Variants in ZDHHC14 observed in about 807,000 individuals in gnomAD.
The protein encoded by ZDHHC14 is palmitoyltransferase ZDHHC14.
Under a neutral mutation model 47.7 loss-of-function variants are expected in ZDHHC14, and 16 were observed. The ratio of observed to expected loss-of-function variants is 0.34; its 90% CI spans 0.23 to 0.51. The LOEUF (loss-of-function observed/expected upper bound fraction) is 0.51. Among genes scored for constraint, ZDHHC14 ranks in the 20% least tolerant of loss-of-function variants. ZDHHC14 has a pLI of 0.97. For synonymous variants in ZDHHC14, 293 were observed against 278.9 expected (o/e 1.05, Z -0.50); for missense variants, 515 against 662.5 (o/e 0.78, Z 2.44).
intron 3 of ZDHHC14, among the ~76,000 whole-genome samples, chr6:157,623,634 C>T (rs1304570832): frequency 6.6e-6 from 1 of 151,196 alleles, no homozygotes; most frequent in East Asian, 1.9e-4. Context: ...CTTGCACCCT[C>T]CACCTCCTGG....
intron 1 of ZDHHC14, among the ~76,000 whole-genome samples, chr6:157,450,701 T>G (rs957627537): frequency 3.3e-5 from 5 of 152,192 alleles, no homozygotes; most frequent in Non-Finnish European, 7.3e-5. Context: ...GCAAGCCTAT[T>G]GATGCATCTT....
chr6:157,603,029 C>T (rs1562502167), intron 3 of ZDHHC14, among the ~76,000 whole-genome samples: 1 of 152,212 alleles, frequency 6.6e-6, no homozygotes, highest in Non-Finnish European at 1.5e-5. Context: ...CACCCCAGAC[C>T]GTGGGGCCAT....
At chr6:157,610,364 G>A (rs981967349) in intron 3 of ZDHHC14, among the ~76,000 whole-genome samples, 6 of 152,062 alleles carry the variant, frequency 3.9e-5, no homozygotes, top group African/African-American at 9.7e-5. Flanking sequence ...CCCGGGAGGC[G>A]GAGCTTGCAG....
intron 2 of ZDHHC14, among the ~76,000 whole-genome samples, chr6:157,578,177 T>C (rs954784869): frequency 2.0e-5 from 3 of 152,196 alleles, no homozygotes; most frequent in Non-Finnish European, 4.4e-5. Context: ...TTCTTTTCAG[T>C]AAAACAACTC....
At chr6:157,462,408 A>G (rs1779111136) in intron 1 of ZDHHC14, among the ~76,000 whole-genome samples, 1 of 152,234 alleles carries the variant, frequency 6.6e-6, no homozygotes, top group Non-Finnish European at 1.5e-5. Context: ...ACCTCGAGCC[A>G]TAAGCCTGCA....
At chr6:157,389,310 T>C (rs1777376691) in intron 1 of ZDHHC14, among the ~76,000 whole-genome samples, 1 of 152,234 alleles carries the variant, frequency 6.6e-6, no homozygotes, top group Non-Finnish European at 1.5e-5. Flanking sequence ...TTGCGATTAA[T>C]AGTTTCCCCC....
At chr6:157,640,779 T>G (rs1777210517) in intron 5 of ZDHHC14, among the ~76,000 whole-genome samples, 1 of 152,218 alleles carries the variant, frequency 6.6e-6, no homozygotes, top group Non-Finnish European at 1.5e-5. Flanking sequence ...GTTTGCTTTT[T>G]CAAAGCACCC....
intron 2 of ZDHHC14, among the ~76,000 whole-genome samples, chr6:157,567,297 T>G (rs1048068342): frequency 6.6e-6 from 1 of 152,132 alleles, no homozygotes; most frequent in Non-Finnish European, 1.5e-5. Flanking sequence ...ATGCAATGAT[T>G]CCGGGAGCCC....
intron 1 of ZDHHC14, among the ~76,000 whole-genome samples, chr6:157,413,749 C>T (rs183610795): frequency 3.9e-5 from 6 of 152,198 alleles, no homozygotes; most frequent in African/African-American, 1.2e-4. Flanking sequence ...CTACCCACAG[C>T]AACTTCTTTT....
intron 1 of ZDHHC14, among the ~76,000 whole-genome samples, chr6:157,425,935 C>G (rs1328176248): frequency 6.6e-6 from 1 of 152,202 alleles, no homozygotes. Flanking sequence ...TGCCTAACCA[C>G]CTCCTACTAT....
intron 2 of ZDHHC14, among the ~76,000 whole-genome samples, chr6:157,565,108 G>A (rs1462120105): frequency 6.6e-6 from 1 of 152,054 alleles, no homozygotes; most frequent in Non-Finnish European, 1.5e-5. Flanking sequence ...TTAGCCAGGT[G>A]TGGTGGCATG....
At chr6:157,495,824 C>T (rs756555471) in intron 1 of ZDHHC14, among the ~76,000 whole-genome samples, 4 of 150,996 alleles carry the variant, frequency 2.6e-5, no homozygotes, top group Non-Finnish European at 5.9e-5. Context: ...CCCACCTAAC[C>T]CCACCGGGTA....
chr6:157,501,927 T>C (rs955642116), intron 1 of ZDHHC14, among the ~76,000 whole-genome samples: 1 of 152,220 alleles, frequency 6.6e-6, no homozygotes, highest in Admixed American at 6.5e-5. Context: ...TGTTTTAGTC[T>C]GGAAGGATTC....
chr6:157,602,876 G>T (rs1784389837), intron 3 of ZDHHC14, among the ~76,000 whole-genome samples: 2 of 152,200 alleles, frequency 1.3e-5, no homozygotes, highest in African/African-American at 2.4e-5. Flanking sequence ...CTGGAGTTTA[G>T]TCGTTTCTTT....
At position 157,657,034 on chromosome 6, in the gene ZDHHC14, T is replaced by G. The variant is rs1022047507; in HGVS notation, c.1068+3407T>G. 5.4e-5 allele frequency among the ~76,000 whole-genome samples: 8 copies of G among 148,494 alleles called. 1 individual carries two copies. Among genetic ancestry groups the G allele is most frequent in the African/African-American group, 2.0e-4 (8 of 40,132 alleles). On this transcript the variant is annotated intron_variant, in intron 8 of 8. Coordinates refer to ENST00000359775, the MANE Select transcript of ZDHHC14 (RefSeq NM_024630.3). ...TCCTGTAGCATCTTCTTGCCATCCG[T>G]ACACACAAAGGGTATTTGTATTTTT...
intron 2 of ZDHHC14, among the ~76,000 whole-genome samples, chr6:157,584,973 G>A (rs966111870): frequency 4.5e-4 from 68 of 152,280 alleles, no homozygotes; most frequent in African/African-American, 1.6e-3. Flanking sequence ...GGGAGGCCGA[G>A]GCGGGTGGAT....
intron 2 of ZDHHC14, among the ~76,000 whole-genome samples, chr6:157,565,852 C>A (rs1273971634): frequency 6.6e-6 from 1 of 151,788 alleles, no homozygotes; most frequent in Non-Finnish European, 1.5e-5. Flanking sequence ...GTCCAGAATC[C>A]TAGACCCAAA....
chr6:157,519,620 C>T (rs1780841360), intron 1 of ZDHHC14, among the ~76,000 whole-genome samples: 1 of 152,240 alleles, frequency 6.6e-6, no homozygotes, highest in African/African-American at 2.4e-5. Flanking sequence ...TGTCAACATT[C>T]TGGATCACCA....
At chr6:157,481,383 T>TGTGATGCGACTGGTTGTACAGTGAG (rs574163943) in intron 1 of ZDHHC14, among the ~76,000 whole-genome samples, 1 of 152,156 alleles carries the variant, frequency 6.6e-6, no homozygotes, top group African/African-American at 2.4e-5. Flanking sequence ...CATTTCCGCA[T>TGTGATGCGACTGGTTGTACAGTGAG]GTGATGCGAC....
Sources: gnomAD v4.1 joint callset for allele counts (sites outside exome capture counted in the v4.1 genomes callset) on GRCh38, gnomAD v4.1.1 for gene constraint, MANE v1.5 for transcripts, NCBI Gene and HGNC (gene_info 2026-07-23, HGNC 2026-07-21) for gene names.